CIBAR1: variants seen among roughly 807,000 people sequenced by gnomAD.
CIBAR1 encodes CBY1-interacting BAR domain-containing protein 1.
CIBAR1 carries 25 observed loss-of-function variants against 44.0 expected under a neutral mutation model. The observed-to-expected ratio is 0.57, with a 90% CI of 0.41 to 0.79. CIBAR1 has a LOEUF of 0.79. Ranked by LOEUF, CIBAR1 falls within the 30% of genes least tolerant of loss-of-function variation. CIBAR1 has a pLI of 0.00. For synonymous variants in CIBAR1, 115 were observed against 119.0 expected (o/e 0.97, Z 0.22); for missense variants, 278 against 344.8 (o/e 0.81, Z 1.53).
At chr8:93,702,968 A>T (rs1204335636) in intron 2 of CIBAR1, among the ~76,000 whole-genome samples, 15 of 152,200 alleles carry the variant, frequency 9.9e-5, no homozygotes, top group African/African-American at 3.4e-4. Context: ...GCCTTCCACT[A>T]GTACTACTTG....
At chr8:93,704,256 G>A (rs903358700) in intron 3 of CIBAR1, among the ~76,000 whole-genome samples, 23 of 152,142 alleles carry the variant, frequency 1.5e-4, no homozygotes, top group African/African-American at 5.6e-4. Flanking sequence ...TTTACTATAT[G>A]AATATAAGTT....
intron 7 of CIBAR1, chr8:93,721,213 C>G (rs1811249832): frequency 6.6e-6 from 1 of 152,212 alleles, no homozygotes; most frequent in South Asian, 2.1e-4. Context: ...CCATTTCCTG[C>G]AAGAAGTAAC....
intron 1 of CIBAR1, 155 bp from the exon 2 acceptor site, chr8:93,701,069 A>T: frequency 6.8e-7 from 1 of 1,475,932 alleles, no homozygotes; most frequent in Non-Finnish European, 9.0e-7. Flanking sequence ...TCAGGACCCC[A>T]TGGAGAGCAG....
intron 6 of CIBAR1, among the ~76,000 whole-genome samples, chr8:93,711,010 C>T (rs767488082): frequency 4.6e-5 from 7 of 152,024 alleles, no homozygotes; most frequent in African/African-American, 1.2e-4. Context: ...AATAAGTAAA[C>T]AGGGTAATAG....
intron 3 of CIBAR1, 67 bp downstream of exon 3, chr8:93,703,755 T>C: frequency 1.5e-6 from 2 of 1,305,098 alleles, no homozygotes; most frequent in Middle Eastern, 2.1e-4. Context: ...TTTCCAATTG[T>C]TTTTTTAAAT....
chr8:93,727,743 G>A (rs2130397073), intron 8 of CIBAR1, among the ~76,000 whole-genome samples: 1 of 152,296 alleles, frequency 6.6e-6, no homozygotes, highest in African/African-American at 2.4e-5. Context: ...GCCCCACGTG[G>A]CGGCAGTCAG....
At chr8:93,701,595 G>A (rs1810360997) in intron 2 of CIBAR1, 137 bp downstream of exon 2, 2 of 707,144 alleles carry the variant, frequency 2.8e-6, no homozygotes, top group South Asian at 1.9e-5. Flanking sequence ...ATTTTCATAA[G>A]ACTGTGTGAG....
chr8:93,712,203 C>G (rs771951683), intron 6 of CIBAR1, among the ~76,000 whole-genome samples: 1 of 152,192 alleles, frequency 6.6e-6, no homozygotes, highest in South Asian at 2.1e-4. Flanking sequence ...CAACCTTGTA[C>G]AGTTTAGCTT....
In CIBAR1 at chr8:93,718,666, T is replaced by G; in HGVS notation, c.544-9T>G. On this transcript the variant is annotated splice_polypyrimidine_tract_variant and intron_variant, in intron 6 of 8. Coordinates refer to ENST00000518322, the MANE Select transcript of CIBAR1 (RefSeq NM_145269.5). Reference sequence around the variant, plus strand: ...CATTGTTTAAATTCAATTCTTTGGTTTTTTTTAGACTATATTTTCTGAATT... The same window carrying G: ...CATTGTTTAAATTCAATTCTTTGGTGTTTTTTAGACTATATTTTCTGAATT... The G allele has an allele frequency of 6.8e-7, 1 of 1,479,932 alleles. No homozygotes were observed. The highest frequency in any genetic ancestry group is 9.1e-7 in the Non-Finnish European group (1 of 1,094,726). The allele number at this position is 1,479,932 out of a possible 1,614,324, so 91.7% of individuals were successfully genotyped here. A position where few individuals can be genotyped will look rare whatever the true frequency, so the allele number is the denominator to read the frequency against.
At chr8:93,712,901 G>T (rs1419792185) in intron 6 of CIBAR1, among the ~76,000 whole-genome samples, 1 of 149,240 alleles carries the variant, frequency 6.7e-6, no homozygotes, top group East Asian at 2.0e-4. Flanking sequence ...TCCCACTTCA[G>T]CCTCCCAAAG....
chr8:93,704,794 C>A, intron 3 of CIBAR1, 115 bp from the exon 4 acceptor site: 1 of 600,444 alleles, frequency 1.7e-6, no homozygotes, highest in Non-Finnish European at 2.9e-6. Context: ...GTACCAGGAT[C>A]ACACAAGAAG....
chr8:93,715,071 GA>G (rs1247110370), intron 6 of CIBAR1, among the ~76,000 whole-genome samples: 1 of 152,178 alleles, frequency 6.6e-6, no homozygotes, highest in African/African-American at 2.4e-5. Flanking sequence ...GAGTTTAATT[GA>G]TAAGTCCATT....
chr8:93,703,225 C>G lies in CIBAR1; in HGVS notation c.262-395C>G, dbSNP rs528462818. Among the ~76,000 whole-genome samples the G allele has an allele frequency of 3.3e-5, 5 of 152,276 alleles. No homozygotes were observed. In the South Asian group the frequency reaches 1.0e-3, roughly 32 times the overall value. ...TTGCTTTAAATGTTTCCAAGATGCTCTGTCTTTCAGCTTTGATTTTCTTTT... is the reference window on the plus strand; with the variant it reads ...TTGCTTTAAATGTTTCCAAGATGCTGTGTCTTTCAGCTTTGATTTTCTTTT... On this transcript the variant is annotated intron_variant, in intron 2 of 8. Coordinates refer to ENST00000518322, the MANE Select transcript of CIBAR1 (RefSeq NM_145269.5).
At chr8:93,725,783 G>C (rs1179068664) in intron 7 of CIBAR1, 1 of 152,148 alleles carries the variant, frequency 6.6e-6, no homozygotes, top group Non-Finnish European at 1.5e-5. Context: ...AAGCTTGAGG[G>C]AAAGTTCAAG....
chr8:93,701,346 T>G lies in CIBAR1; in HGVS notation c.149T>G (p.Leu50Arg). ...GCCAGGCTGAGAGACAAAGCAGACC[T>G]CCTGGTGAATGAAATTAACGCGTAT... ...KTARLRDKAD[L>R]LVNEINAYAA... Residue 50 changes from leucine to arginine, a missense_variant, in exon 2 of 9, where the codon CTC becomes CGC. Leu to Arg is a moderately radical substitution (Grantham distance 102). Around this residue, in one of 3 missense-constraint regions of CIBAR1, gnomAD observed 183 missense variants for 218.6 expected, o/e 0.84. Transcript: ENST00000518322. 1 of 1,613,878 alleles carries G rather than the reference T, an allele frequency of 6.2e-7. No homozygotes were observed. Among genetic ancestry groups the G allele is most frequent in the Non-Finnish European group, 8.5e-7 (1 of 1,179,860 alleles).
intron 3 of CIBAR1, 124 bp downstream of exon 3, chr8:93,703,812 C>G (rs1011675032): frequency 9.4e-5 from 69 of 735,276 alleles, no homozygotes; most frequent in Non-Finnish European, 6.8e-5. Flanking sequence ...TGCCTGTAAT[C>G]CCAACACTTT....
At chr8:93,719,153 C>T (rs1398961418) in intron 7 of CIBAR1, among the ~76,000 whole-genome samples, 1 of 152,198 alleles carries the variant, frequency 6.6e-6, no homozygotes, top group Non-Finnish European at 1.5e-5. Flanking sequence ...CATGAACCAC[C>T]GTGCCCAGCC....
At chr8:93,703,368 T>G (rs777790676) in intron 2 of CIBAR1, among the ~76,000 whole-genome samples, 7 of 152,226 alleles carry the variant, frequency 4.6e-5, no homozygotes, top group Non-Finnish European at 1.0e-4. Flanking sequence ...ACCCTTAAAC[T>G]ACTACTTTAA....
chr8:93,702,485 CTCCTTT>C (rs1361184603), intron 2 of CIBAR1: 2 of 454,440 alleles, frequency 4.4e-6, no homozygotes, highest in Non-Finnish European at 8.8e-6. Context: ...TGCATTTGTT[CTCCTTT>C]TATTTCCCTT....
Sources: allele counts gnomAD v4.1 joint callset (sites outside exome capture counted in the v4.1 genomes callset), GRCh38; gene constraint gnomAD v4.1.1; regional missense constraint gnomAD v4.1.1; transcripts MANE v1.5; gene names NCBI Gene and HGNC (gene_info 2026-07-23, HGNC 2026-07-21).